Variants in TBC1D8 observed in about 807,000 individuals in gnomAD.
TBC1D8 encodes TBC1 domain family member 8, also known as BUB2-like protein 1.
A neutral mutation model predicts 118.8 loss-of-function variants in TBC1D8; 65 were observed. That is an observed-to-expected ratio of 0.55 (90% CI 0.45 to 0.67). The LOEUF is 0.67. TBC1D8 is among the 30% of genes least tolerant of loss of function. TBC1D8 has a pLI of 0.00. For missense variants in TBC1D8, 1,376 were observed against 1,471.2 expected (o/e 0.94, Z 1.06); for synonymous variants, 566 against 595.8 (o/e 0.95, Z 0.73).
chr2:101,097,286 A>G (rs982769082), intron 1 of TBC1D8, among the ~76,000 whole-genome samples: 4 of 152,222 alleles, frequency 2.6e-5, no homozygotes, highest in Non-Finnish European at 5.9e-5. Context: ...AATTTCCAGC[A>G]GACCTAATTA....
chr2:101,029,671 G>A lies in TBC1D8; in HGVS notation c.2042C>T (p.Ser681Leu), dbSNP rs756370380. The A allele has an allele frequency of 1.9e-5, 31 of 1,613,864 alleles. No homozygotes were observed. The Middle Eastern group carries it at 3.1e-3, about 163-fold the overall frequency. Residue 681 changes from serine (S) to leucine (L), a missense_variant, in exon 12 of 20, where the codon TCG becomes TTG. Physicochemically the swap from Ser to Leu is moderately radical, Grantham distance 145. Transcript: ENST00000409318. ...DLSALASVSLSWFLTLFLSIM... is the reference protein window; with the variant it reads ...DLSALASVSLLWFLTLFLSIM... ...GCTGAGGAACAGGGTCAGGAACCAC[G>A]AGAGAGAGACGGACGCCAGGGCTGA...
At chr2:101,053,502 G>C (rs1201466351) in intron 4 of TBC1D8, among the ~76,000 whole-genome samples, 2 of 152,228 alleles carry the variant, frequency 1.3e-5, no homozygotes, top group Non-Finnish European at 2.9e-5. Context: ...ATGAGCACTT[G>C]AAACAATATT....
At chr2:101,037,212 C>T (rs1310956567) in intron 8 of TBC1D8, among the ~76,000 whole-genome samples, 1 of 152,212 alleles carries the variant, frequency 6.6e-6, no homozygotes, top group Non-Finnish European at 1.5e-5. Context: ...AAAGCTATAA[C>T]GCGGGGCACA....
At chr2:101,059,027 T>C (rs948887392) in intron 3 of TBC1D8, among the ~76,000 whole-genome samples, 1 of 151,990 alleles carries the variant, frequency 6.6e-6, no homozygotes, top group Non-Finnish European at 1.5e-5. Context: ...TGCCTCAGCC[T>C]CCCGAGTAGC....
intron 1 of TBC1D8, among the ~76,000 whole-genome samples, chr2:101,091,912 A>T (rs530376021): frequency 6.6e-6 from 1 of 152,322 alleles, no homozygotes; most frequent in Non-Finnish European, 1.5e-5. Context: ...TGTAAAGAAA[A>T]ACTGAATCAC....
chr2:101,120,839 A>G (rs1371569349), intron 1 of TBC1D8, among the ~76,000 whole-genome samples: 1 of 152,224 alleles, frequency 6.6e-6, no homozygotes, highest in Admixed American at 6.5e-5. Flanking sequence ...GAAAGTACTC[A>G]GAGGGCACAG....
intron 17 of TBC1D8, chr2:101,019,482 G>C (rs1573875300): frequency 6.5e-6 from 1 of 153,658 alleles, no homozygotes; most frequent in African/African-American, 2.4e-5. Flanking sequence ...AGAGATTTTA[G>C]GTTGTCTGCA....
At chr2:101,021,773 T>C in intron 16 of TBC1D8, 27 bp from the exon 17 acceptor site, 3 of 1,396,948 alleles carry the variant, frequency 2.1e-6, no homozygotes, top group Non-Finnish European at 3.0e-6. Flanking sequence ...AAGAGTGAGT[T>C]GATGCCAATG....
chr2:101,109,112 C>A (rs1001943296), intron 1 of TBC1D8, among the ~76,000 whole-genome samples: 1 of 152,156 alleles, frequency 6.6e-6, no homozygotes, highest in Non-Finnish European at 1.5e-5. Context: ...CACATCTGTG[C>A]AAATGCTAAC....
chr2:101,106,424 A>G (rs759260179), intron 1 of TBC1D8, among the ~76,000 whole-genome samples: 1 of 152,222 alleles, frequency 6.6e-6, no homozygotes, highest in Non-Finnish European at 1.5e-5. Flanking sequence ...TGACCCAGCA[A>G]CCTGACTGTA....
intron 5 of TBC1D8, among the ~76,000 whole-genome samples, chr2:101,047,280 C>T (rs1010966706): frequency 9.9e-5 from 15 of 152,216 alleles, no homozygotes; most frequent in African/African-American, 2.4e-4. Context: ...AGGGGAGCTA[C>T]GAGCGGCTCC....
intron 14 of TBC1D8, 122 bp downstream of exon 14, chr2:101,027,926 A>G (rs1284161817): frequency 3.5e-6 from 3 of 861,706 alleles, no homozygotes; most frequent in Admixed American, 4.6e-5. Flanking sequence ...TAAGTTGTTA[A>G]TGTAATCCAA....
Position 101,151,108 on chromosome 2 carries a change from GC to G in TBC1D8, c.127+18del. 1.0e-6 allele frequency: 1 copy of G among 974,468 alleles called. No individual in the cohort carries two copies. 60.4% of individuals were successfully genotyped at this position (974,468 alleles called of 1,614,324 possible). ...GGCCCCGGGCCCGGCCGCCGCGCCC[GC>G]CCCGGCGAGCCCCTTACCGGTGAGG... On this transcript the variant is annotated intron_variant, in intron 1 of 19. Transcript: ENST00000409318.
intron 1 of TBC1D8, among the ~76,000 whole-genome samples, chr2:101,139,675 G>A (rs547065881): frequency 3.9e-5 from 6 of 152,112 alleles, no homozygotes; most frequent in South Asian, 2.1e-4. Context: ...ACAGACTCTC[G>A]GAGGCCTCAG....
intron 2 of TBC1D8, among the ~76,000 whole-genome samples, chr2:101,067,259 T>C (rs572293334): frequency 9.2e-5 from 14 of 152,358 alleles, no homozygotes; most frequent in Admixed American, 9.1e-4. Context: ...GACAAGGTAC[T>C]ATACTGGCCT....
chr2:101,022,451 G>A lies in TBC1D8; in HGVS notation c.2591C>T (p.Pro864Leu), dbSNP rs755864517. The A allele has an allele frequency of 2.0e-5, 32 of 1,610,446 alleles. 1 individual carries two copies. In the South Asian group the frequency reaches 3.4e-4, roughly 17 times the overall value. The change falls in exon 16 of 20, where the codon CCC (proline) becomes CTC (leucine). Residue 864 changes from proline (P) to leucine (L), a missense_variant. By Grantham distance (98) the Pro-to-Leu change is moderately conservative. Transcript: ENST00000409318. Reference sequence around the variant, plus strand: ...ATCTATGCGGTACTGCTCAGCATAGGGCCGGCTGGGGTCGTGGCGTGAGGC... The same window carrying A: ...ATCTATGCGGTACTGCTCAGCATAGAGCCGGCTGGGGTCGTGGCGTGAGGC... ...PMASRHDPSR[P>L]YAEQYRIDAR...
chr2:101,040,288 T>C lies in TBC1D8; in HGVS notation c.970A>G (p.Thr324Ala). ...GTGGTGTGACAGCGACTGAACGGCG[T>C]CCAGAGCGAACAGTCCACAACCGCG... is the stretch of plus-strand genomic sequence containing the variant. The part of the protein sequence containing the change: ...LHAVVDCSLW[T>A]PFSRCHTTGR... Residue 324 changes from threonine (T) to alanine (A), a missense_variant, in exon 6 of 20, where the codon ACG (threonine) becomes GCG (alanine). Thr to Ala is a moderately conservative substitution (Grantham distance 58). Transcript: ENST00000409318. 1.6e-5 allele frequency: 26 copies of C among 1,613,946 alleles called. No homozygotes were observed. Among genetic ancestry groups the C allele is most frequent in the Non-Finnish European group, 2.2e-5 (26 of 1,179,878 alleles).
Position 101,035,072 on chromosome 2 carries a change from G to A in TBC1D8, c.1603+946C>T, listed in dbSNP as rs188571617. ...GGGACAAAGTTGGGGGATAGACAAG[G>A]AACCAGAAAGAGGCTGATAGTGAAG... On this transcript the variant is annotated intron_variant, in intron 9 of 19. Transcript: ENST00000409318. 1.2e-4 allele frequency among the ~76,000 whole-genome samples: 19 copies of A among 152,286 alleles called. No individual in the cohort carries two copies. The East Asian group carries it at 3.3e-3, about 26-fold the overall frequency.
chr2:101,022,432 G>C lies in TBC1D8; in HGVS notation c.2610C>G (p.Arg870=). The C allele has an allele frequency of 6.2e-7, 1 of 1,613,318 alleles. No individual in the cohort carries two copies. The highest frequency in any genetic ancestry group is 8.5e-7 in the Non-Finnish European group (1 of 1,179,622). Residue 870 remains arginine, a synonymous_variant, in exon 16 of 20, where the codon CGC becomes CGG. Coordinates refer to ENST00000409318, the MANE Select transcript of TBC1D8 (RefSeq NM_001330348.2). ...GGTGTGCAAACTGCCGGGCATCTAT[G>C]CGGTACTGCTCAGCATAGGGCCGGC... ...DPSRPYAEQY[R]IDARQFAHLF...
Sources: gnomAD v4.1 joint callset for allele counts (sites outside exome capture counted in the v4.1 genomes callset) on GRCh38, gnomAD v4.1.1 for gene constraint, MANE v1.5 for transcripts, NCBI Gene and HGNC (gene_info 2026-07-23, HGNC 2026-07-21) for gene names.